SASH1: variants seen among roughly 807,000 people sequenced by gnomAD.
SASH1 encodes SAM and SH3 domain-containing protein 1.
SASH1 carries 44 observed loss-of-function variants against 125.2 expected under a neutral mutation model. The observed-to-expected ratio is 0.35, with a 90% CI of 0.28 to 0.45. The LOEUF (loss-of-function observed/expected upper bound fraction) is 0.45. SASH1 is among the 20% of genes least tolerant of loss of function. The pLI, the probability that SASH1 is intolerant of heterozygous loss-of-function variation, is 1.00. For synonymous variants in SASH1, 639 were observed against 649.1 expected (o/e 0.98, Z 0.24); for missense variants, 1,426 against 1,614.5 (o/e 0.88, Z 2.00).
At chr6:148,282,636 T>G (rs1362906123) in intron 1 of SASH1, among the ~76,000 whole-genome samples, 2 of 152,052 alleles carry the variant, frequency 1.3e-5, no homozygotes, top group Non-Finnish European at 2.9e-5. Flanking sequence ...CGCCTCAGCC[T>G]CCCAAAGTCC....
At chr6:148,297,010 C>T (rs1053833879) in intron 1 of SASH1, among the ~76,000 whole-genome samples, 16 of 152,342 alleles carry the variant, frequency 1.1e-4, no homozygotes, top group African/African-American at 3.6e-4. Flanking sequence ...GAAAGGCCTT[C>T]AGGGAAGAGA....
chr6:148,250,048 A>C, the SASH1 span, among the ~76,000 whole-genome samples: 13 of 152,338 alleles, frequency 8.5e-5, no homozygotes, highest in Admixed American at 5.9e-4. Flanking sequence ...ATACTTGCCC[A>C]AAGCCACACA....
At chr6:148,514,527 G>A in intron 9 of SASH1, 71 bp downstream of exon 9, 4 of 1,390,100 alleles carry the variant, frequency 2.9e-6, no homozygotes, top group Non-Finnish European at 3.7e-6. Flanking sequence ...AATCATTTGG[G>A]GTCAGTTTCT....
chr6:148,405,553 A>C (rs1047908703), intron 2 of SASH1, among the ~76,000 whole-genome samples: 1 of 150,804 alleles, frequency 6.6e-6, no homozygotes, highest in Non-Finnish European at 1.5e-5. Context: ...GCCCCACCTC[A>C]CTCCTGTGAG....
At chr6:148,465,497 C>G (rs1054219353) in intron 4 of SASH1, among the ~76,000 whole-genome samples, 1 of 149,602 alleles carries the variant, frequency 6.7e-6, no homozygotes, top group Non-Finnish European at 1.5e-5. Context: ...GAGCCGAGAT[C>G]GCATCACTGT....
chr6:148,421,181 G>GAAAA (rs1378366449), intron 2 of SASH1, among the ~76,000 whole-genome samples: 6 of 143,294 alleles, frequency 4.2e-5, no homozygotes, highest in African/African-American at 1.5e-4. Context: ...AAGAAAGAAA[G>GAAAA]AAAGAAAGAA....
At chr6:148,523,497 T>C (rs1780935747) in intron 10 of SASH1, among the ~76,000 whole-genome samples, 1 of 152,214 alleles carries the variant, frequency 6.6e-6, no homozygotes, top group Non-Finnish European at 1.5e-5. Context: ...AGAAATCAGA[T>C]TGCCCATTGA....
intron 2 of SASH1, 72 bp from the exon 3 acceptor site, chr6:148,440,112 A>G: frequency 7.0e-7 from 1 of 1,419,840 alleles, no homozygotes; most frequent in Non-Finnish European, 1.0e-6. Flanking sequence ...CTCTCTTCTT[A>G]CATGTCTATT....
At chr6:148,282,694 G>A (rs993423008) in intron 1 of SASH1, among the ~76,000 whole-genome samples, 12 of 151,966 alleles carry the variant, frequency 7.9e-5, no homozygotes, top group Non-Finnish European at 8.8e-5. Context: ...GAGATCTTAC[G>A]CATTTCTAAT....
the SASH1 span, among the ~76,000 whole-genome samples, chr6:148,234,854 G>A: frequency 6.6e-6 from 1 of 151,772 alleles, no homozygotes; most frequent in South Asian, 2.1e-4. Flanking sequence ...GAAGGAGGAG[G>A]AGGAACTGAA....
At chr6:148,455,284 CT>C (rs1189184105) in intron 4 of SASH1, among the ~76,000 whole-genome samples, 1 of 152,210 alleles carries the variant, frequency 6.6e-6, no homozygotes, top group Non-Finnish European at 1.5e-5. Context: ...AAGCAGCCAG[CT>C]TGGCTTTATT....
intron 7 of SASH1, chr6:148,479,876 C>T (rs1253161191): frequency 6.5e-6 from 1 of 152,720 alleles, no homozygotes; most frequent in Non-Finnish European, 1.5e-5. Context: ...GGGTGAGCAC[C>T]TGTTGGCAGA....
intron 16 of SASH1, 110 bp downstream of exon 16, chr6:148,535,011 C>T (rs1781757308): frequency 1.7e-6 from 2 of 1,192,220 alleles, no homozygotes; most frequent in Non-Finnish European, 2.4e-6. Flanking sequence ...CTGTCCTGTT[C>T]TTTCTGTTAC....
intron 1 of SASH1, among the ~76,000 whole-genome samples, chr6:148,353,640 G>T (rs557135573): frequency 6.6e-6 from 1 of 151,970 alleles, no homozygotes; most frequent in South Asian, 2.1e-4. Context: ...TTGCCATGTT[G>T]GCCAGGCTAG....
chr6:148,546,374 A>C (rs1411038896), intron 19 of SASH1, among the ~76,000 whole-genome samples: 2 of 152,258 alleles, frequency 1.3e-5, no homozygotes, highest in Non-Finnish European at 2.9e-5. Context: ...AAACTTTTTA[A>C]AGATCCGTCT....
rs753172354 is a variant in SASH1 at position 148,343,117 on chromosome 6, C to T, written c.50C>T (p.Pro17Leu). ...AGPGPEPEPE[P>L]EPEPEPAPEP... ...CCGGGGCCGGAGCCTGAGCCCGAGC[C>T]CGAGCCGGAGCCCGAGCCCGCGCCG... Residue 17 changes from proline (P) to leucine (L), a missense_variant, in exon 1 of 20, where the codon CCC becomes CTC. Physicochemically the swap from Pro to Leu is moderately conservative, Grantham distance 98. Transcript: ENST00000367467. The T allele has an allele frequency of 1.1e-5, 17 of 1,588,724 alleles. No individual in the cohort carries two copies. In the East Asian group the frequency reaches 3.6e-4, roughly 34 times the overall value.
intron 7 of SASH1, among the ~76,000 whole-genome samples, chr6:148,486,094 T>C (rs1267294956): frequency 2.0e-5 from 3 of 152,178 alleles, no homozygotes; most frequent in Non-Finnish European, 2.9e-5. Context: ...TTTTTAAAAG[T>C]AAATCTGCTC....
At chr6:148,516,273 A>C (rs139356410) in intron 9 of SASH1, among the ~76,000 whole-genome samples, 1 of 145,220 alleles carries the variant, frequency 6.9e-6, no homozygotes, top group African/African-American at 2.6e-5. Context: ...CCGTTGGCCA[A>C]TCTCACCCAT....
At chr6:148,266,637 A>G in the SASH1 span, among the ~76,000 whole-genome samples, 1 of 151,956 alleles carries the variant, frequency 6.6e-6, no homozygotes, top group African/African-American at 2.4e-5. Flanking sequence ...GTCTTGTTCT[A>G]TTGCCTAGGC....
Sources: gnomAD v4.1 joint callset for allele counts (sites outside exome capture counted in the v4.1 genomes callset) on GRCh38, gnomAD v4.1.1 for gene constraint, MANE v1.5 for transcripts, NCBI Gene and HGNC (gene_info 2026-07-23, HGNC 2026-07-21) for gene names.